Variants in LRBA observed in about 807,000 individuals in gnomAD.
The protein encoded by LRBA is LPS responsive beige-like anchor protein.
LRBA carries 176 observed loss-of-function variants against 330.0 expected under a neutral mutation model. The observed-to-expected ratio is 0.53, with a 90% confidence interval of 0.47 to 0.60. LRBA has a LOEUF of 0.60. LRBA is among the 20% of genes least tolerant of loss of function. LRBA has a pLI of 0.00. For missense variants in LRBA, 3,259 were observed against 3,444.8 expected (o/e 0.95, Z 1.35); for synonymous variants, 1,230 against 1,193.0 (o/e 1.03, Z -0.64).
intron 37 of LRBA, among the ~76,000 whole-genome samples, chr4:150,662,149 CAAT>C (rs1039988041): frequency 1.6e-4 from 25 of 152,072 alleles, no homozygotes; most frequent in Admixed American, 1.6e-3. Context: ...ATCTAAATCC[CAAT>C]AATTATTTTC....
At chr4:150,335,111 T>C (rs1467072727) in intron 48 of LRBA, among the ~76,000 whole-genome samples, 1 of 152,004 alleles carries the variant, frequency 6.6e-6, no homozygotes, top group East Asian at 1.9e-4. Flanking sequence ...ATTACAGGCA[T>C]AAGCCAACAC....
In LRBA at chr4:150,354,317, G is replaced by A. The variant is rs1320692805; in HGVS notation, c.7195-4158C>T. Among the ~76,000 whole-genome samples the A allele has an allele frequency of 3.3e-5, 5 of 152,090 alleles. No individual in the cohort carries two copies. The East Asian group carries it at 9.7e-4, about 29-fold the overall frequency. On this transcript the variant is annotated intron_variant, in intron 47 of 56. Transcript: ENST00000651943. ...TACAAAAAAATGAAAAATGCCAGTG[G>A]AATGCTGAGCATTTGAGATTTTTCA...
At chr4:150,280,201 G>A (rs1164547826) in intron 55 of LRBA, among the ~76,000 whole-genome samples, 1 of 152,182 alleles carries the variant, frequency 6.6e-6, no homozygotes, top group Non-Finnish European at 1.5e-5. Context: ...AGCAGCACCT[G>A]ATCTCCCACT....
At chr4:150,389,968 C>T (rs959820757) in intron 47 of LRBA, among the ~76,000 whole-genome samples, 26 of 136,808 alleles carry the variant, frequency 1.9e-4, no homozygotes, top group Non-Finnish European at 3.1e-4. Flanking sequence ...GTATCTGCAA[C>T]TAACATCAAT....
intron 2 of LRBA, among the ~76,000 whole-genome samples, chr4:150,942,700 A>C (rs1326876067): frequency 3.3e-5 from 5 of 152,160 alleles, no homozygotes; most frequent in Non-Finnish European, 5.9e-5. Flanking sequence ...TATCATAACT[A>C]ATCCTTACAA....
intron 40 of LRBA, among the ~76,000 whole-genome samples, chr4:150,512,019 T>TAAAA (rs1761884302): frequency 6.6e-6 from 1 of 152,238 alleles, no homozygotes; most frequent in Non-Finnish European, 1.5e-5. Context: ...CAGTACTTAT[T>TAAAA]TTAGTAATTC....
At chr4:150,606,097 A>C (rs1260679799) in intron 37 of LRBA, among the ~76,000 whole-genome samples, 1 of 152,150 alleles carries the variant, frequency 6.6e-6, no homozygotes, top group African/African-American at 2.4e-5. Context: ...AGCCATCTAG[A>C]TATCCATCTT....
At chr4:150,622,688 C>CTTTTTTTTTTTTTTTTTTTT (rs10528461) in intron 37 of LRBA, among the ~76,000 whole-genome samples, 3 of 105,642 alleles carry the variant, frequency 2.8e-5, no homozygotes, top group African/African-American at 1.2e-4. Flanking sequence ...CTAAATCAAT[C>CTTTTTTTTTTTTTTTTTTTT]TTTTTTTTTT....
At chr4:150,670,999 G>GGTGTGT (rs1561497148) in intron 37 of LRBA, among the ~76,000 whole-genome samples, 1 of 67,710 alleles carries the variant, frequency 1.5e-5, no homozygotes, top group Admixed American at 1.6e-4. Context: ...CAACATAGCT[G>GGTGTGT]ATGTGTGTGT....
intron 48 of LRBA, 115 bp from the exon 49 acceptor site, chr4:150,326,013 C>T (rs1733213438): frequency 1.4e-6 from 1 of 693,622 alleles, no homozygotes; most frequent in Non-Finnish European, 2.6e-6. Context: ...TGCTGAAAAT[C>T]AACCTGTGTT....
intron 35 of LRBA, among the ~76,000 whole-genome samples, chr4:150,760,653 C>T (rs1316823003): frequency 1.3e-5 from 2 of 152,184 alleles, no homozygotes; most frequent in Admixed American, 6.6e-5. Flanking sequence ...GTTTTTCACA[C>T]AAATGTCCTC....
intron 35 of LRBA, among the ~76,000 whole-genome samples, chr4:150,738,122 C>G (rs1298442513): frequency 4.6e-5 from 7 of 151,414 alleles, no homozygotes; most frequent in African/African-American, 1.7e-4. Flanking sequence ...TCCTGAGTAG[C>G]TGGGATTACA....
chr4:150,760,432 A>G (rs553726015), intron 35 of LRBA, among the ~76,000 whole-genome samples: 5 of 151,960 alleles, frequency 3.3e-5, no homozygotes, highest in Non-Finnish European at 7.4e-5. Context: ...AACCTATCCT[A>G]AACAATTCCG....
chr4:150,478,790 T>C (rs1447321838), intron 42 of LRBA, among the ~76,000 whole-genome samples: 1 of 152,216 alleles, frequency 6.6e-6, no homozygotes, highest in Non-Finnish European at 1.5e-5. Context: ...TATTCCTGGT[T>C]ATCTTATCCA....
At chr4:150,472,204 T>C (rs1417460489) in intron 42 of LRBA, among the ~76,000 whole-genome samples, 1 of 152,056 alleles carries the variant, frequency 6.6e-6, no homozygotes, top group Admixed American at 6.6e-5. Context: ...TCTAAACTAT[T>C]TGGGCGTCTG....
chr4:151,003,396 C>A (rs376284194), intron 2 of LRBA, among the ~76,000 whole-genome samples: 190 of 88,670 alleles, frequency 2.1e-3, no homozygotes, highest in African/African-American at 5.8e-3. Context: ...GATTCGGTTT[C>A]AAAAAAAAAA....
intron 31 of LRBA, among the ~76,000 whole-genome samples, chr4:150,814,488 T>C (rs543321071): frequency 2.6e-5 from 4 of 151,838 alleles, no homozygotes; most frequent in South Asian, 4.2e-4. Context: ...AGCAATACAC[T>C]GAAATAGAGA....
intron 44 of LRBA, among the ~76,000 whole-genome samples, chr4:150,455,914 C>A (rs953620072): frequency 6.6e-6 from 1 of 152,070 alleles, no homozygotes; most frequent in Non-Finnish European, 1.5e-5. Flanking sequence ...TAAGTGAGAA[C>A]ATGTGATGTT....
At chr4:150,785,375 C>A (rs576947848) in intron 34 of LRBA, among the ~76,000 whole-genome samples, 1 of 152,290 alleles carries the variant, frequency 6.6e-6, no homozygotes, top group South Asian at 2.1e-4. Flanking sequence ...AATCTTATGA[C>A]CTCTGGAAAA....
Sources: allele counts gnomAD v4.1 joint callset (sites outside exome capture counted in the v4.1 genomes callset), GRCh38; gene constraint gnomAD v4.1.1; transcripts MANE v1.5; gene names NCBI Gene and HGNC (gene_info 2026-07-23, HGNC 2026-07-21).